KIF26B: variants seen among roughly 807,000 people sequenced by gnomAD.
The protein encoded by KIF26B is kinesin-like protein KIF26B.
Under a neutral mutation model 151.2 loss-of-function variants are expected in KIF26B, and 63 were observed. That is an observed-to-expected ratio of 0.42 (90% CI 0.34 to 0.51). KIF26B has a LOEUF of 0.51. Among genes scored for constraint, KIF26B ranks in the 20% least tolerant of loss-of-function variants. The pLI, the probability that KIF26B is intolerant of heterozygous loss-of-function variation, is 0.07. For missense variants in KIF26B, 2,813 were observed against 2,913.6 expected (o/e 0.97, Z 0.79); for synonymous variants, 1,357 against 1,262.1 (o/e 1.08, Z -1.59).
In KIF26B at chr1:245,600,173, G is replaced by A. The variant is rs2043378057; in HGVS notation, c.1351-2404G>A. The stretch of plus-strand genomic sequence containing the variant: ...TCTGCCTCAGCCTCCCGAGTAGCTG[G>A]GACTACAGGCGCCCGCCACCATGCC... On this transcript the variant is annotated intron_variant, in intron 5 of 14. Transcript: ENST00000407071. Among the ~76,000 whole-genome samples, 2 of 127,078 alleles carry A rather than the reference G, an allele frequency of 1.6e-5. 1 individual carries two copies. The highest frequency in any genetic ancestry group is 7.5e-3 in the Middle Eastern group (2 of 268). The allele number at this position is 127,078 out of a possible 152,430, so 83.4% of individuals were successfully genotyped here.
At chr1:245,383,206 C>T (rs1673456353) in intron 3 of KIF26B, among the ~76,000 whole-genome samples, 1 of 151,904 alleles carries the variant, frequency 6.6e-6, no homozygotes, top group South Asian at 2.1e-4. Context: ...ATTAACATGC[C>T]CCTGAAAAAC....
At position 245,602,743 on chromosome 1, in the gene KIF26B, T is replaced by C. The variant is rs2043410447; in HGVS notation, c.1517T>C (p.Met506Thr). The stretch of plus-strand genomic sequence containing the variant: ...AGAGGCAACCAGGTTCCTCCAAAGA[T>C]GTTTGCCTTCGATGCAGTTTTTCCA... ...QKRGNQVPPK[M>T]FAFDAVFPQD... The change falls in exon 6 of 15, where the codon ATG (methionine) becomes ACG (threonine). Residue 506 changes from methionine to threonine, a missense_variant. Physicochemically the swap from Met to Thr is moderately conservative, Grantham distance 81. This residue lies in a region of KIF26B where 676 missense variants were observed against 688.1 expected (regional missense o/e 0.98). Coordinates refer to ENST00000407071, the MANE Select transcript of KIF26B (RefSeq NM_018012.4). The surrounding 1 kb of genome is among the most constrained non-coding windows in gnomAD (Gnocchi z 4.5). 2.5e-6 allele frequency: 4 copies of C among 1,613,970 alleles called. No homozygotes were observed. The highest frequency in any genetic ancestry group is 2.5e-6 in the Non-Finnish European group (3 of 1,179,888).
chr1:245,494,343 G>T (rs1265998912), intron 4 of KIF26B, among the ~76,000 whole-genome samples: 1 of 151,948 alleles, frequency 6.6e-6, no homozygotes, highest in Non-Finnish European at 1.5e-5. Context: ...CACATTCAAA[G>T]CTTAGCCAGG....
In KIF26B at chr1:245,688,663, G is replaced by A. The variant is rs1356964165; in HGVS notation, c.5680G>A (p.Gly1894Ser). The A allele has an allele frequency of 1.2e-6, 2 of 1,603,926 alleles. No homozygotes were observed. The highest frequency in any genetic ancestry group is 8.5e-7 in the Non-Finnish European group (1 of 1,176,672). Residue 1894 changes from glycine to serine, a missense_variant, in exon 12 of 15, where the codon GGC (glycine) becomes AGC (serine). Coordinates refer to ENST00000407071, the MANE Select transcript of KIF26B (RefSeq NM_018012.4). The part of the protein sequence containing the change: ...GKTALFYHSG[G>S]SSGYESVMRD... ...GACGGCCCTGTTCTACCACAGCGGC[G>A]GCAGCAGCGGCTACGAGAGCGTGAT...
intron 4 of KIF26B, among the ~76,000 whole-genome samples, chr1:245,427,527 G>A (rs934311043): frequency 3.3e-5 from 5 of 152,180 alleles, no homozygotes; most frequent in African/African-American, 1.2e-4. Flanking sequence ...AGAATCACTT[G>A]AACCCGGGAG....
chr1:245,363,459 G>C (rs1409097710), intron 2 of KIF26B, among the ~76,000 whole-genome samples: 1 of 152,198 alleles, frequency 6.6e-6, no homozygotes, highest in Non-Finnish European at 1.5e-5. Context: ...GCCTCCCAAA[G>C]TGCTGGGGTT....
At chr1:245,369,671 C>G (rs1007698304) in intron 3 of KIF26B, among the ~76,000 whole-genome samples, 3 of 152,352 alleles carry the variant, frequency 2.0e-5, no homozygotes, top group South Asian at 2.1e-4. Flanking sequence ...GTGGCAGAAC[C>G]AGCACCAGCT....
chr1:245,474,716 A>G (rs1164524572), intron 4 of KIF26B, among the ~76,000 whole-genome samples: 2 of 151,690 alleles, frequency 1.3e-5, no homozygotes, highest in Non-Finnish European at 3.0e-5. Context: ...CGCAGCCTCA[A>G]ACACTGGGTC....
intron 9 of KIF26B, among the ~76,000 whole-genome samples, chr1:245,637,401 T>A (rs2043846706): frequency 6.6e-6 from 1 of 152,076 alleles, no homozygotes; most frequent in Non-Finnish European, 1.5e-5. Context: ...GAATTCCTCA[T>A]ATATTCTGGT....
intron 2 of KIF26B, among the ~76,000 whole-genome samples, chr1:245,361,393 G>A (rs1479925619): frequency 6.6e-6 from 1 of 152,238 alleles, no homozygotes; most frequent in Non-Finnish European, 1.5e-5. Flanking sequence ...CCTCTGGAGA[G>A]TGTTTTTTTC....
At chr1:245,556,648 G>A (rs764545057) in intron 5 of KIF26B, among the ~76,000 whole-genome samples, 34 of 152,022 alleles carry the variant, frequency 2.2e-4, no homozygotes, top group Non-Finnish European at 4.3e-4. Flanking sequence ...ATGATTTGCC[G>A]GCCTTGGCCT....
chr1:245,657,125 G>A (rs1267765784), intron 10 of KIF26B, among the ~76,000 whole-genome samples: 1 of 107,344 alleles, frequency 9.3e-6, no homozygotes, highest in Non-Finnish European at 1.9e-5. Context: ...CCCTACCGAT[G>A]AGATCAATGA....
chr1:245,339,151 T>C (rs994392523), intron 2 of KIF26B, among the ~76,000 whole-genome samples: 4 of 152,122 alleles, frequency 2.6e-5, no homozygotes, highest in African/African-American at 9.7e-5. Context: ...CTAATTTTTT[T>C]GTATTTTTAG....
intron 3 of KIF26B, among the ~76,000 whole-genome samples, chr1:245,399,242 T>C (rs1253867612): frequency 1.3e-5 from 2 of 152,170 alleles, no homozygotes; most frequent in African/African-American, 4.8e-5. Context: ...GTTAGAGGTA[T>C]TTCTTATTTA....
At chr1:245,616,100 T>C (rs1300308617) in intron 9 of KIF26B, among the ~76,000 whole-genome samples, 1 of 152,202 alleles carries the variant, frequency 6.6e-6, no homozygotes, top group African/African-American at 2.4e-5. Flanking sequence ...CACAAATGCA[T>C]CTTACATTTA....
chr1:245,631,946 C>A (rs974125792), intron 9 of KIF26B, among the ~76,000 whole-genome samples: 2 of 151,438 alleles, frequency 1.3e-5, no homozygotes, highest in East Asian at 3.9e-4. Flanking sequence ...GATCTTTTTT[C>A]TTGGTTAGTC....
At chr1:245,158,284 T>TA (rs751976638) in intron 2 of KIF26B, among the ~76,000 whole-genome samples, 1 of 152,078 alleles carries the variant, frequency 6.6e-6, no homozygotes, top group Non-Finnish European at 1.5e-5. Context: ...TCTTCTCATT[T>TA]AAAAAAAGAG....
intron 2 of KIF26B, among the ~76,000 whole-genome samples, chr1:245,157,809 G>A (rs773727635): frequency 2.0e-5 from 3 of 152,224 alleles, no homozygotes; most frequent in Non-Finnish European, 2.9e-5. Context: ...GAATCAAAAA[G>A]CTTATTTCGC....
At chr1:245,668,893 G>A (rs544249740) in intron 10 of KIF26B, among the ~76,000 whole-genome samples, 1 of 152,212 alleles carries the variant, frequency 6.6e-6, no homozygotes, top group South Asian at 2.1e-4. Flanking sequence ...GTTTCGCCAT[G>A]TTGGCCAGGC....
Sources: allele counts gnomAD v4.1 joint callset (sites outside exome capture counted in the v4.1 genomes callset), GRCh38; gene constraint gnomAD v4.1.1; regional missense constraint gnomAD v4.1.1; non-coding constraint Gnocchi (gnomAD v3.1); transcripts MANE v1.5; gene names NCBI Gene and HGNC (gene_info 2026-07-23, HGNC 2026-07-21).